The following FLT3 variants were observed in gnomAD, a reference collection of about 807,000 sequenced individuals.
FLT3 encodes the protein fms related receptor tyrosine kinase 3.
FLT3 carries 46 observed loss-of-function variants against 126.6 expected under a neutral mutation model. That is an observed-to-expected ratio of 0.36 (90% CI 0.29 to 0.46). The LOEUF (loss-of-function observed/expected upper bound fraction) is 0.46. Among genes scored for constraint, FLT3 ranks in the 20% least tolerant of loss-of-function variants. The pLI is 1.00. For synonymous variants in FLT3, 404 were observed against 434.4 expected (o/e 0.93, Z 0.87); for missense variants, 1,069 against 1,190.3 (o/e 0.90, Z 1.50).
chr13:28,074,978 T>C (rs7326955), intron 1 of FLT3, among the ~76,000 whole-genome samples: 107,345 of 152,058 alleles, frequency 0.71, 39,817 homozygotes, highest in East Asian at 0.95. Context: ...CTAATGAACA[T>C]TGAACATCCA....
chr13:28,036,937 T>C (rs1224722330), intron 10 of FLT3, among the ~76,000 whole-genome samples: 2 of 152,190 alleles, frequency 1.3e-5, no homozygotes, highest in African/African-American at 4.8e-5. Flanking sequence ...GATTGTGCCA[T>C]GGCACCCCAG....
chr13:28,022,469 G>A lies in FLT3; in HGVS notation c.2418+881C>T, dbSNP rs113636293. 4.2e-3 allele frequency among the ~76,000 whole-genome samples: 638 copies of A among 152,156 alleles called. 4 individuals are homozygous for A. The highest frequency in any genetic ancestry group is 0.014 in the African/African-American group (595 of 41,514). ...AGAGGTTGTAGTGAGCCAAGATCAC[G>A]CCACTGCACTCCAGCCTGGGCAACA... is the stretch of plus-strand genomic sequence containing the variant. On this transcript the variant is annotated intron_variant, in intron 19 of 23. Transcript: ENST00000241453.
intron 1 of FLT3, among the ~76,000 whole-genome samples, chr13:28,075,007 A>T (rs918961695): frequency 2.0e-5 from 3 of 152,124 alleles, no homozygotes; most frequent in African/African-American, 7.2e-5. Context: ...ATGCTATCAC[A>T]TTCCATAACT....
Position 28,100,329 on chromosome 13 carries a change from G to T in FLT3, c.43+139C>A, listed in dbSNP as rs1879742059. 2.0e-6 allele frequency: 1 copy of T among 511,570 alleles called. No homozygotes were observed. Among genetic ancestry groups the T allele is most frequent in the East Asian group, 4.0e-5 (1 of 24,862 alleles). 31.7% of individuals were successfully genotyped at this position (511,570 alleles called of 1,614,324 possible). A position where few individuals can be genotyped will look rare whatever the true frequency, so the allele number is the denominator to read the frequency against. On this transcript the variant is annotated intron_variant, in intron 1 of 23. Coordinates refer to ENST00000241453, the MANE Select transcript of FLT3 (RefSeq NM_004119.3). The surrounding 1 kb of genome is among the most constrained non-coding windows in gnomAD (Gnocchi z 4.8). ...GTCCGGAGGGCGCGAAAGAGGGGAGGGGCGCGGGAGGCAATGGAAGGAGCG... is the reference window on the plus strand; with the variant it reads ...GTCCGGAGGGCGCGAAAGAGGGGAGTGGCGCGGGAGGCAATGGAAGGAGCG...
intron 23 of FLT3, among the ~76,000 whole-genome samples, chr13:28,012,692 T>A (rs746640915): frequency 5.3e-5 from 8 of 152,078 alleles, no homozygotes; most frequent in Middle Eastern, 3.4e-3. Flanking sequence ...CCTAGCACTT[T>A]GGGAGGCTGA....
chr13:28,027,013 C>T (rs1390191395), intron 17 of FLT3, 75 bp downstream of exon 17: 9 of 1,324,004 alleles, frequency 6.8e-6, no homozygotes, highest in African/African-American at 1.5e-5. Flanking sequence ...AACTGGTCAA[C>T]GAAGTGTGTT....
intron 1 of FLT3, chr13:28,073,401 G>A: frequency 2.3e-6 from 1 of 443,070 alleles, no homozygotes; most frequent in Non-Finnish European, 4.4e-6. Context: ...GTGGTCTGTA[G>A]ATAGCGACAG....
At chr13:28,091,245 G>T (rs529408308) in intron 1 of FLT3, among the ~76,000 whole-genome samples, 1 of 69,154 alleles carries the variant, frequency 1.4e-5, no homozygotes, top group Non-Finnish European at 2.5e-5. Flanking sequence ...TTTTTGAGAC[G>T]GAGTCTCGCT....
intron 1 of FLT3, among the ~76,000 whole-genome samples, chr13:28,098,837 T>C (rs1879641768): frequency 1.3e-5 from 2 of 151,592 alleles, no homozygotes; most frequent in Admixed American, 1.3e-4. Context: ...ATTATAATGT[T>C]GAGTAAAAGA....
chr13:28,025,166 T>A lies in FLT3; in HGVS notation c.2208-223A>T, dbSNP rs2137645285. The A allele has an allele frequency of 5.5e-6, 3 of 546,132 alleles. No homozygotes were observed. In the East Asian group the frequency reaches 9.3e-5, roughly 17 times the overall value. 33.8% of individuals were successfully genotyped at this position (546,132 alleles called of 1,614,324 possible). ...AATCCCTGTTTTCCATATAGAATCT[T>A]ACAGTTCAAAAAGGACCTCACTCAA... On this transcript the variant is annotated intron_variant, in intron 17 of 23. Coordinates refer to ENST00000241453, the MANE Select transcript of FLT3 (RefSeq NM_004119.3).
At chr13:28,067,871 G>T in intron 2 of FLT3, 3 of 380,530 alleles carry the variant, frequency 7.9e-6, no homozygotes, top group South Asian at 5.0e-5. Context: ...AGAAGTACAG[G>T]GTGGGACATG....
At chr13:28,046,911 A>G (rs774519397) in intron 9 of FLT3, among the ~76,000 whole-genome samples, 9 of 152,010 alleles carry the variant, frequency 5.9e-5, no homozygotes, top group Non-Finnish European at 1.0e-4. Flanking sequence ...AAAAATTATT[A>G]ATAATATATT....
In FLT3 at chr13:28,050,076, C is replaced by T; in HGVS notation, c.742+19G>A. 6.2e-7 allele frequency: 1 copy of T among 1,611,148 alleles called. No individual in the cohort carries two copies. Among genetic ancestry groups the T allele is most frequent in the South Asian group, 1.1e-5 (1 of 90,652 alleles). On this transcript the variant is annotated intron_variant, in intron 6 of 23. Coordinates refer to ENST00000241453, the MANE Select transcript of FLT3 (RefSeq NM_004119.3). ...GAACCGGTCACTGAAAATGAAAGTGCATGATATTATAGTGTTACCTATTGT... is the reference window on the plus strand; with the variant it reads ...GAACCGGTCACTGAAAATGAAAGTGTATGATATTATAGTGTTACCTATTGT...
rs2137676037 is a variant in FLT3 at position 28,034,196 on chromosome 13, G to C, written c.1723C>G (p.Gln575Glu). The C allele has an allele frequency of 6.2e-7, 1 of 1,614,018 alleles. No individual in the cohort carries two copies. Among genetic ancestry groups the C allele is most frequent in the Non-Finnish European group, 8.5e-7 (1 of 1,179,960 alleles). ...KYKKQFRYESQLQMVQVTGSS... is the reference protein window; with the variant it reads ...KYKKQFRYESELQMVQVTGSS... ...CCGGTCACCTGTACCATCTGTAGCT[G>C]GCTTTCATACCTAAATTGCTTCAGA... Residue 575 changes from glutamine to glutamate, a missense_variant, in exon 14 of 24, where the codon CAG becomes GAG. Transcript: ENST00000241453.
intron 3 of FLT3, among the ~76,000 whole-genome samples, chr13:28,058,212 A>AAAC (rs1320628102): frequency 6.6e-5 from 6 of 90,928 alleles, no homozygotes; most frequent in Non-Finnish European, 1.2e-4. Flanking sequence ...AAAATTAAAA[A>AAAC]AAAAAAACAA....
At chr13:28,024,078 A>C (rs1300457828) in intron 18 of FLT3, among the ~76,000 whole-genome samples, 10 of 151,560 alleles carry the variant, frequency 6.6e-5, no homozygotes, top group African/African-American at 2.2e-4. Context: ...CCTATTTTAT[A>C]AACTATATTG....
rs2137683318 is a variant in FLT3, at chr13:28,035,992, G to A, written c.1361C>T (p.Ser454Leu). ...CCAAGATGGTAATGGGTATCCATCC[G>A]AGAAACAGGACGCCTGACTTGCCGA... ...EASASQASCFSDGYPLPSWTW... is the reference protein window; with the variant it reads ...EASASQASCFLDGYPLPSWTW... Residue 454 changes from serine to leucine, a missense_variant, in exon 11 of 24, where the codon TCG becomes TTG. Ser to Leu is a moderately radical substitution (Grantham distance 145). Coordinates refer to ENST00000241453, the MANE Select transcript of FLT3 (RefSeq NM_004119.3). The A allele has an allele frequency of 1.9e-6, 3 of 1,614,144 alleles. No homozygotes were observed. The highest frequency in any genetic ancestry group is 2.5e-6 in the Non-Finnish European group (3 of 1,180,028).
rs1347865186 is a variant in FLT3 at position 28,071,016 on chromosome 13, A to G, written c.44-404T>C. Among the ~76,000 whole-genome samples the G allele has an allele frequency of 7.3e-3, 633 of 87,276 alleles. 3 individuals are homozygous for G. The highest frequency in any genetic ancestry group is 0.026 in the African/African-American group (592 of 22,896). 57.3% of individuals were successfully genotyped at this position (87,276 alleles called of 152,430 possible). On this transcript the variant is annotated intron_variant, in intron 1 of 23. Transcript: ENST00000241453. ...CTTTTTTTTTTTTTTTTTTTTTGAG[A>G]TGGAGTCTCGCTCTGTCGCCCAGGC... is the stretch of plus-strand genomic sequence containing the variant.
intron 1 of FLT3, among the ~76,000 whole-genome samples, chr13:28,092,714 A>C (rs1156444909): frequency 6.6e-6 from 1 of 151,968 alleles, no homozygotes; most frequent in Admixed American, 6.6e-5. Context: ...TTTCTAAAAT[A>C]CAAATCAGAG....
Sources: gnomAD v4.1 joint callset for allele counts (sites outside exome capture counted in the v4.1 genomes callset) on GRCh38, gnomAD v4.1.1 for gene constraint, Gnocchi (gnomAD v3.1) non-coding constraint, MANE v1.5 for transcripts, NCBI Gene and HGNC (gene_info 2026-07-23, HGNC 2026-07-21) for gene names.